The following MINK1 variants were observed in gnomAD, a reference collection of about 807,000 sequenced individuals.
MINK1 encodes the protein misshapen like kinase 1, also known as misshapen-like kinase 1.
A neutral mutation model predicts 178.4 loss-of-function variants in MINK1; 46 were observed. The ratio of observed to expected loss-of-function variants is 0.26; its 90% CI spans 0.20 to 0.33. The LOEUF (loss-of-function observed/expected upper bound fraction) is 0.33, where lower values mean the gene tolerates loss of function less well. Ranked by LOEUF, MINK1 falls within the 10% of genes least tolerant of loss-of-function variation. The pLI, the probability that MINK1 is intolerant of heterozygous loss-of-function variation, is 1.00. For synonymous variants in MINK1, 797 were observed against 709.7 expected (o/e 1.12, Z -1.96); for missense variants, 1,366 against 1,814.9 (o/e 0.75, Z 4.49).
At chr17:4,835,999 T>C (rs1200214984) in intron 1 of MINK1, among the ~76,000 whole-genome samples, 2 of 152,118 alleles carry the variant, frequency 1.3e-5, no homozygotes, top group Admixed American at 6.6e-5. Context: ...CTGTACCTCC[T>C]TTGACATGGG....
At position 4,865,001 on chromosome 17, in the gene MINK1, C is replaced by T. The variant is rs10153284; in HGVS notation, c.58-13316C>T. 4.0e-3 allele frequency among the ~76,000 whole-genome samples: 612 copies of T among 152,358 alleles called. 4 individuals are homozygous for T. The highest frequency in any genetic ancestry group is 0.013 in the African/African-American group (538 of 41,582). Reference sequence around the variant, plus strand: ...ATAAGACAGACCAGAGCTCTTTCCACGACCAAAACCTTCCTTCCTCCTTTT... The same window carrying T: ...ATAAGACAGACCAGAGCTCTTTCCATGACCAAAACCTTCCTTCCTCCTTTT... On this transcript the variant is annotated intron_variant, in intron 1 of 31. Transcript: ENST00000355280.
intron 1 of MINK1, among the ~76,000 whole-genome samples, chr17:4,834,993 T>C (rs1305215526): frequency 6.6e-6 from 1 of 152,156 alleles, no homozygotes; most frequent in Non-Finnish European, 1.5e-5. Flanking sequence ...CATAATTTGT[T>C]TGGTGCAATG....
intron 1 of MINK1, among the ~76,000 whole-genome samples, chr17:4,839,218 C>G (rs753186292): frequency 6.6e-5 from 10 of 152,186 alleles, no homozygotes; most frequent in Non-Finnish European, 1.3e-4. Flanking sequence ...GCTGGGATTA[C>G]AGGCGCGAGC....
chr17:4,894,855 A>G lies in MINK1; in HGVS notation c.2918-220A>G, dbSNP rs1969282226. ...CAGAGTTGCCAGGGGACCTGGGCAAAGACTCAAAGCTAACAAGTGACAGAA... is the reference window on the plus strand; with the variant it reads ...CAGAGTTGCCAGGGGACCTGGGCAAGGACTCAAAGCTAACAAGTGACAGAA... On this transcript the variant is annotated intron_variant, in intron 24 of 31. Transcript: ENST00000355280. This position sits in a 1 kb window ranked among gnomAD's most constrained non-coding sequence, Gnocchi z 4.1. The G allele has an allele frequency of 1.5e-6, 1 of 650,926 alleles. No individual in the cohort carries two copies. The allele number at this position is 650,926 out of a possible 1,614,324, so 40.3% of individuals were successfully genotyped here.
At position 4,881,215 on chromosome 17, in the gene MINK1, C is replaced by G; in HGVS notation, c.264C>G (p.Ala88=). 1.3e-6 allele frequency: 2 copies of G among 1,537,252 alleles called. No homozygotes were observed. Among genetic ancestry groups the G allele is most frequent in the Non-Finnish European group, 1.7e-6 (2 of 1,146,894 alleles). ...GCAACATCGCCACCTACTACGGAGC[C>G]TTCATCAAGAAGAGCCCCCCGGGAA... ...HHRNIATYYG[A]FIKKSPPGND... Residue 88 remains alanine (A), a synonymous_variant, in exon 4 of 32, where the codon GCC becomes GCG. Coordinates refer to ENST00000355280, the MANE Select transcript of MINK1 (RefSeq NM_153827.5).
At position 4,892,418 on chromosome 17, in the gene MINK1, G is replaced by A. The variant is rs781568460; in HGVS notation, c.2104G>A (p.Ala702Thr). 64 of 1,474,148 alleles carry A rather than the reference G, an allele frequency of 4.3e-5. No individual in the cohort carries two copies. Among genetic ancestry groups the A allele is most frequent in the East Asian group, 1.7e-4 (6 of 35,542 alleles). The allele number at this position is 1,474,148 out of a possible 1,614,324, so 91.3% of individuals were successfully genotyped here. ...CCTTCACAGACCTCGCAGCAACTCC[G>A]CCTGGCAAATCTATCTGCAAAGGCG... ...AVRARPRSNS[A>T]WQIYLQRRAE... Residue 702 changes from alanine to threonine, a missense_variant, in exon 18 of 32, where the codon GCC becomes ACC. By Grantham distance (58) the Ala-to-Thr change is moderately conservative. Coordinates refer to ENST00000355280, the MANE Select transcript of MINK1 (RefSeq NM_153827.5).
Position 4,895,145 on chromosome 17 carries a change from C to T in MINK1, c.2988C>T (p.Asn996=), listed in dbSNP as rs776452823. The T allele has an allele frequency of 5.9e-5, 95 of 1,613,874 alleles. No individual in the cohort carries two copies. Among genetic ancestry groups the T allele is most frequent in the Admixed American group, 8.3e-5 (5 of 59,996 alleles). ...QYDVRKGSVV[N]VNPTNTRAHS... Reference sequence around the variant, plus strand: ...ACGTGAGGAAGGGTTCTGTGGTCAACGTGAATCCCACCAACACCCGGGCCC... The same window carrying T: ...ACGTGAGGAAGGGTTCTGTGGTCAATGTGAATCCCACCAACACCCGGGCCC... The change falls in exon 25 of 32, where the codon AAC becomes AAT. Residue 996 remains asparagine, a synonymous_variant. Coordinates refer to ENST00000355280, the MANE Select transcript of MINK1 (RefSeq NM_153827.5). The surrounding 1 kb of genome is among the most constrained non-coding windows in gnomAD (Gnocchi z 4.3).
chr17:4,850,314 G>C (rs1020815078), intron 1 of MINK1, among the ~76,000 whole-genome samples: 2 of 152,148 alleles, frequency 1.3e-5, no homozygotes, highest in Admixed American at 6.5e-5. Flanking sequence ...GGAGAGACAG[G>C]CCTGGTGAAA....
rs750465601 is a variant in MINK1, at chr17:4,836,672, A to G, written c.57+3032A>G. Reference sequence around the variant, plus strand: ...AAGTACATAGTACAGTTCCCAGCACACAGTGATCATATATGTGATAGCCCT... The same window carrying G: ...AAGTACATAGTACAGTTCCCAGCACGCAGTGATCATATATGTGATAGCCCT... On this transcript the variant is annotated intron_variant, in intron 1 of 31. Coordinates refer to ENST00000355280, the MANE Select transcript of MINK1 (RefSeq NM_153827.5). The surrounding 1 kb of genome is among the most constrained non-coding windows in gnomAD (Gnocchi z 4.3). 5.5e-4 allele frequency among the ~76,000 whole-genome samples: 84 copies of G among 152,204 alleles called. No homozygotes were observed. The highest frequency in any genetic ancestry group is 9.8e-4 in the Non-Finnish European group (67 of 68,044).
intron 1 of MINK1, among the ~76,000 whole-genome samples, chr17:4,860,098 G>A (rs1041286917): frequency 3.3e-5 from 5 of 152,036 alleles, no homozygotes; most frequent in African/African-American, 1.2e-4. Context: ...CATGCGGAGC[G>A]GGGTACAGAG....
In MINK1 at chr17:4,895,351, G is replaced by A. The variant is rs1306866343; in HGVS notation, c.3087G>A (p.Gly1029=). ...CCTGCCCAAGGGCTCCTGTTGCAGG[G>A]GTCAACCTGCTGGTGGGCACGGAGA... ...NSEILCAALW[G]VNLLVGTENG... is the part of the protein sequence containing the mutation. Residue 1029 remains glycine (G), a splice_region_variant and synonymous_variant, in exon 26 of 32, where the codon GGG becomes GGA. Coordinates refer to ENST00000355280, the MANE Select transcript of MINK1 (RefSeq NM_153827.5). This position sits in a 1 kb window ranked among gnomAD's most constrained non-coding sequence, Gnocchi z 4.3. The A allele has an allele frequency of 6.2e-7, 1 of 1,603,994 alleles. No individual in the cohort carries two copies. The highest frequency in any genetic ancestry group is 1.7e-5 in the Admixed American group (1 of 59,534).
intron 1 of MINK1, among the ~76,000 whole-genome samples, chr17:4,846,840 T>G (rs1911112977): frequency 6.6e-6 from 1 of 152,182 alleles, no homozygotes; most frequent in Non-Finnish European, 1.5e-5. Context: ...CGGCCCCATC[T>G]TACATTTCAG....
rs1473842245 is a variant in MINK1, at chr17:4,897,072, T to C, written c.3916-132T>C. On this transcript the variant is annotated intron_variant, in intron 31 of 31. Coordinates refer to ENST00000355280, the MANE Select transcript of MINK1 (RefSeq NM_153827.5). ...TGCCTTTCCTCCGGGTGAGGGGCAC[T>C]GTGAGTCTCCTCCTGCAGTCTCTGT... 8 of 891,122 alleles carry C rather than the reference T, an allele frequency of 9.0e-6. No homozygotes were observed. In the Admixed American group the frequency reaches 1.6e-4, roughly 18 times the overall value. 55.2% of individuals were successfully genotyped at this position (891,122 alleles called of 1,614,324 possible).
At position 4,892,326 on chromosome 17, in the gene MINK1, G is replaced by A. The variant is rs749762593; in HGVS notation, c.2088-76G>A. The A allele has an allele frequency of 3.5e-3, 4,757 of 1,349,568 alleles. 18 individuals carry two copies. Among genetic ancestry groups the A allele is most frequent in the Non-Finnish European group, 3.9e-3 (4,045 of 1,026,400 alleles). The allele number at this position is 1,349,568 out of a possible 1,614,324, so 83.6% of individuals were successfully genotyped here. A position where few individuals can be genotyped will look rare whatever the true frequency, so the allele number is the denominator to read the frequency against. ...GGGACTTTACCAGCCTACCCGCCTGGGGGTGGGAAAGCCCCAGCCCCATCA... is the reference window on the plus strand; with the variant it reads ...GGGACTTTACCAGCCTACCCGCCTGAGGGTGGGAAAGCCCCAGCCCCATCA... On this transcript the variant is annotated intron_variant, in intron 17 of 31. Coordinates refer to ENST00000355280, the MANE Select transcript of MINK1 (RefSeq NM_153827.5).
At position 4,887,738 on chromosome 17, in the gene MINK1, AGCGGCAGCG is replaced by A. The variant is rs1968352072; in HGVS notation, c.1182_1190del (p.Gln395_Arg397del). The A allele has an allele frequency of 6.5e-7, 1 of 1,549,460 alleles. No homozygotes were observed. Among genetic ancestry groups the A allele is most frequent in the Non-Finnish European group, 8.7e-7 (1 of 1,147,250 alleles). ...GCACACATCAAACACCTGCTGCACC[AGCGGCAGCG>A]GCGCATAGAGGAGCAGAAGGAGGAG... On this transcript the variant is annotated inframe_deletion, in exon 12 of 32. Transcript: ENST00000355280. The surrounding 1 kb of genome is among the most constrained non-coding windows in gnomAD (Gnocchi z 7.6).
intron 14 of MINK1, 39 bp downstream of exon 14, chr17:4,890,774 C>G (rs1567613620): frequency 2.6e-6 from 4 of 1,535,364 alleles, no homozygotes; most frequent in Non-Finnish European, 3.5e-6. Context: ...ACTGCAGTCC[C>G]ACTGCCTGAG....
At position 4,897,538 on chromosome 17, in the gene MINK1, C is replaced by T; in HGVS notation, c.*251C>T. The T allele has an allele frequency of 2.0e-6, 1 of 493,874 alleles. No individual in the cohort carries two copies. Among genetic ancestry groups the T allele is most frequent in the Non-Finnish European group, 3.6e-6 (1 of 275,006 alleles). The allele number at this position is 493,874 out of a possible 1,614,324, so 30.6% of individuals were successfully genotyped here. On this transcript the variant is annotated 3_prime_UTR_variant, in exon 32 of 32. Coordinates refer to ENST00000355280, the MANE Select transcript of MINK1 (RefSeq NM_153827.5). ...TGGGGAGGGACACAGCTTCCCCTTC[C>T]CAGGAATTGAGTGGGCCTAGCCCCT...
intron 1 of MINK1, chr17:4,875,091 G>A (rs773130291): frequency 8.5e-5 from 44 of 520,026 alleles, no homozygotes; most frequent in South Asian, 4.9e-4. Flanking sequence ...AAAGGACTTC[G>A]CAGCAGTCAG....
rs987215721 is a variant in MINK1 at position 4,885,441 on chromosome 17, A to G, written c.509-42A>G. ...GCAGGGATGTGAGGCAAGGGAGCAG[A>G]GGTGACTCCCCACACTGACCCCTCC... On this transcript the variant is annotated intron_variant, in intron 6 of 31. Coordinates refer to ENST00000355280, the MANE Select transcript of MINK1 (RefSeq NM_153827.5). The surrounding 1 kb of genome is among the most constrained non-coding windows in gnomAD (Gnocchi z 5.0). 7.5e-6 allele frequency: 12 copies of G among 1,607,368 alleles called. No individual in the cohort carries two copies. The highest frequency in any genetic ancestry group is 1.0e-5 in the Non-Finnish European group (12 of 1,176,238).
Sources: gnomAD v4.1 joint callset for allele counts (sites outside exome capture counted in the v4.1 genomes callset) on GRCh38, gnomAD v4.1.1 for gene constraint, Gnocchi (gnomAD v3.1) non-coding constraint, MANE v1.5 for transcripts, NCBI Gene and HGNC (gene_info 2026-07-23, HGNC 2026-07-21) for gene names.